The following MFSD11 variants were observed in gnomAD, a reference collection of about 807,000 sequenced individuals.
MFSD11 encodes major facilitator superfamily domain containing 11.
A neutral mutation model predicts 53.5 loss-of-function variants in MFSD11; 36 were observed. The observed-to-expected ratio is 0.67, with a 90% confidence interval of 0.52 to 0.89. The LOEUF is 0.89. Ranked by LOEUF, MFSD11 falls within the 40% of genes least tolerant of loss-of-function variation. The pLI, the probability that MFSD11 is intolerant of heterozygous loss-of-function variation, is 0.00. For synonymous variants in MFSD11, 186 were observed against 184.9 expected (o/e 1.01, Z -0.05); for missense variants, 530 against 543.9 (o/e 0.97, Z 0.25).
At chr17:76,785,013 T>G (rs77158700), downstream of MFSD11, among the ~76,000 whole-genome samples, 121 of 152,368 alleles carry the variant, frequency 7.9e-4, no homozygotes, top group South Asian at 0.013. Flanking sequence ...GTCTCAGAGA[T>G]ATTTGTTCAC....
At chr17:76,737,384 C>T (rs113640504), upstream of MFSD11, 10 of 512,818 alleles carry the variant, frequency 2.0e-5, no homozygotes, top group African/African-American at 1.7e-4. Flanking sequence ...CAAAATGGCG[C>T]CCGCGCCACC....
intron 6 of MFSD11, 103 bp from the exon 7 acceptor site, chr17:76,744,218 GT>G: frequency 1.8e-6 from 2 of 1,102,414 alleles, no homozygotes; most frequent in Non-Finnish European, 2.5e-6. Context: ...AAGTAAAAAT[GT>G]AACGAGGAAG....
intron 12 of MFSD11, among the ~76,000 whole-genome samples, chr17:76,777,453 A>G (rs1391868433): frequency 1.3e-5 from 2 of 152,108 alleles, no homozygotes. Flanking sequence ...CAGGCTGGTC[A>G]CAAACTACTG....
intron 5 of MFSD11, among the ~76,000 whole-genome samples, 163 bp downstream of exon 5, chr17:76,742,436 G>A (rs2078180673): frequency 6.6e-6 from 1 of 151,928 alleles, no homozygotes; most frequent in African/African-American, 2.4e-5. Flanking sequence ...TGTAATAATG[G>A]CTGAGTATGG....
At chr17:76,777,716 C>G (rs535505641) in intron 12 of MFSD11, among the ~76,000 whole-genome samples, 50 of 152,194 alleles carry the variant, frequency 3.3e-4, no homozygotes, top group African/African-American at 1.2e-3. Flanking sequence ...GTTCTGGTCT[C>G]TATGGCTCTG....
the MFSD11 span, among the ~76,000 whole-genome samples, chr17:76,802,278 A>G: frequency 6.6e-6 from 1 of 152,092 alleles, no homozygotes; most frequent in East Asian, 1.9e-4. Flanking sequence ...CTCAAAAACA[A>G]CAACAACAAA....
upstream of MFSD11, chr17:76,737,549 C>T (rs2077589998): frequency 7.6e-6 from 2 of 262,516 alleles, no homozygotes; most frequent in East Asian, 6.1e-5. Context: ...AATTAGCGGG[C>T]AGTTGGAAAG....
chr17:76,737,194 G>T (rs754646245), upstream of MFSD11: 1 of 1,512,966 alleles, frequency 6.6e-7, no homozygotes, highest in South Asian at 1.3e-5. Context: ...CCCGCGAACT[G>T]GCGCCGGCTT....
At chr17:76,739,564 T>G (rs1476473010) in intron 2 of MFSD11, among the ~76,000 whole-genome samples, 1 of 152,162 alleles carries the variant, frequency 6.6e-6, no homozygotes, top group African/African-American at 2.4e-5. Flanking sequence ...CAGGTTTTTC[T>G]TTTTTAAAAT....
downstream of MFSD11, among the ~76,000 whole-genome samples, chr17:76,783,547 G>A (rs2082223461): frequency 6.6e-6 from 1 of 152,008 alleles, no homozygotes; most frequent in South Asian, 2.1e-4. Flanking sequence ...TTGACTTATA[G>A]TAAGTCCCTT....
At chr17:76,797,768 GC>G in the MFSD11 span, among the ~76,000 whole-genome samples, 27 of 152,182 alleles carry the variant, frequency 1.8e-4, no homozygotes, top group South Asian at 5.4e-3. Flanking sequence ...TACTTCAGAT[GC>G]CAGTCCTAAA....
intron 8 of MFSD11, among the ~76,000 whole-genome samples, chr17:76,759,756 CTTTTTTTTTTTTTT>C (rs1159131964): frequency 3.0e-4 from 8 of 27,016 alleles, no homozygotes; most frequent in African/African-American, 9.5e-4. Flanking sequence ...CGTGACCGGC[CTTTTTTTTTTTTTT>C]TTTTTTTTTT....
At chr17:76,762,756 G>T (rs917830202) in intron 8 of MFSD11, among the ~76,000 whole-genome samples, 1 of 152,020 alleles carries the variant, frequency 6.6e-6, no homozygotes, top group African/African-American at 2.4e-5. Context: ...ACCACTAGAG[G>T]GTAATTGACA....
chr17:76,757,588 C>G (rs1381196022), intron 8 of MFSD11, among the ~76,000 whole-genome samples: 1 of 152,144 alleles, frequency 6.6e-6, no homozygotes, highest in Non-Finnish European at 1.5e-5. Flanking sequence ...CACTTACTTC[C>G]CAGACTGAAT....
At chr17:76,773,672 A>G (rs886482078) in intron 10 of MFSD11, among the ~76,000 whole-genome samples, 1 of 152,048 alleles carries the variant, frequency 6.6e-6, no homozygotes, top group Non-Finnish European at 1.5e-5. Flanking sequence ...CAGTGGCGCA[A>G]TCTTGGCTCA....
At chr17:76,794,347 C>T in the MFSD11 span, among the ~76,000 whole-genome samples, 1,351 of 150,660 alleles carry the variant, frequency 9.0e-3, 65 homozygotes, top group African/African-American at 0.031. Context: ...CGTGGTGGAG[C>T]GCACCTGTAA....
chr17:76,738,485 C>T, intron 1 of MFSD11, 37 bp downstream of exon 1: 6 of 1,404,072 alleles, frequency 4.3e-6, no homozygotes, highest in Non-Finnish European at 6.0e-6. Flanking sequence ...TTGAAGTGCC[C>T]ATCATAATGC....
At chr17:76,784,390 T>G (rs911202942), downstream of MFSD11, among the ~76,000 whole-genome samples, 1 of 151,800 alleles carries the variant, frequency 6.6e-6, no homozygotes, top group African/African-American at 2.4e-5. Context: ...AAAAATTAGC[T>G]GGGCATGGTG....
At position 76,738,241 on chromosome 17, in the gene MFSD11, G is replaced by C; in HGVS notation, c.-112G>C. On this transcript the variant is annotated 5_prime_UTR_variant, in exon 1 of 13. Coordinates refer to ENST00000685175, the MANE Select transcript of MFSD11 (RefSeq NM_001242532.5). ...TTGACAGCTTGGCTGCCTGGCTCCT[G>C]CATCTGCCTTCTCCACTCACCATCT... 1.4e-6 allele frequency: 1 copy of C among 703,072 alleles called. No homozygotes were observed. Among genetic ancestry groups the C allele is most frequent in the South Asian group, 1.7e-5 (1 of 57,340 alleles). The allele number at this position is 703,072 out of a possible 1,614,324, so 43.6% of individuals were successfully genotyped here.
Sources: gnomAD v4.1 joint callset for allele counts (sites outside exome capture counted in the v4.1 genomes callset) on GRCh38, gnomAD v4.1.1 for gene constraint, MANE v1.5 for transcripts, NCBI Gene and HGNC (gene_info 2026-07-23, HGNC 2026-07-21) for gene names.